CCDC68: variants seen among roughly 807,000 people sequenced by gnomAD.
CCDC68 encodes coiled-coil domain-containing protein 68.
A neutral mutation model predicts 47.1 loss-of-function variants in CCDC68; 45 were observed. The ratio of observed to expected loss-of-function variants is 0.96; its 90% CI spans 0.75 to 1.23. The LOEUF (loss-of-function observed/expected upper bound fraction) is 1.23. Among genes scored for constraint, CCDC68 ranks in the 50% most tolerant of loss-of-function variants. CCDC68 has a pLI of 0.00. For synonymous variants in CCDC68, 131 were observed against 129.5 expected, an observed-to-expected ratio of 1.01 and a Z score of -0.08; for missense variants, 353 against 373.6, an observed-to-expected ratio of 0.94 and a Z score of 0.45.
At chr18:54,910,099 C>T (rs982315614) in intron 10 of CCDC68, among the ~76,000 whole-genome samples, 1 of 152,210 alleles carries the variant, frequency 6.6e-6, no homozygotes, top group African/African-American at 2.4e-5. Context: ...TCAGAGGAAA[C>T]CTGCAGGGGG....
intron 7 of CCDC68, among the ~76,000 whole-genome samples, chr18:54,934,482 C>G (rs4365372): frequency 6.6e-6 from 1 of 152,156 alleles, no homozygotes; most frequent in East Asian, 1.9e-4. Context: ...ATTATTACTC[C>G]TAATAGATGG....
intron 6 of CCDC68, among the ~76,000 whole-genome samples, chr18:54,935,461 C>T (rs1385281830): frequency 2.0e-5 from 3 of 152,112 alleles, no homozygotes; most frequent in South Asian, 2.1e-4. Flanking sequence ...GGGACTGTGT[C>T]GACTAACTTG....
chr18:54,942,689 C>T lies in CCDC68; in HGVS notation c.103G>A (p.Glu35Lys), dbSNP rs149385830. ...STSAHIIEET[E>K]YVKKIRTTLQ... Reference sequence around the variant, plus strand: ...TACCCACATACCTTTTTCACATACTCGGTTTCTTCAATAATGTGAGCGGAC... The same window carrying T: ...TACCCACATACCTTTTTCACATACTTGGTTTCTTCAATAATGTGAGCGGAC... Residue 35 changes from glutamate (E) to lysine (K), a missense_variant, in exon 3 of 12, where the codon GAG becomes AAG. Physicochemically the swap from Glu to Lys is moderately conservative, Grantham distance 56. Coordinates refer to ENST00000591504, the MANE Select transcript of CCDC68 (RefSeq NM_025214.3). 3.2e-5 allele frequency: 50 copies of T among 1,586,006 alleles called. No individual in the cohort carries two copies. In the African/African-American group the frequency reaches 4.1e-4, roughly 13 times the overall value.
chr18:54,906,934 G>T (rs903245136), intron 11 of CCDC68, among the ~76,000 whole-genome samples: 1 of 152,190 alleles, frequency 6.6e-6, no homozygotes, highest in African/African-American at 2.4e-5. Flanking sequence ...AAAGAGAGAA[G>T]AATCTTCCTG....
intron 1 of CCDC68, among the ~76,000 whole-genome samples, chr18:54,947,348 C>T (rs1205324780): frequency 1.3e-5 from 2 of 152,228 alleles, no homozygotes; most frequent in African/African-American, 4.8e-5. Context: ...GCTGAATAGA[C>T]AGGGCTCTGC....
rs140031450 is a variant in CCDC68, at chr18:54,942,841, GT to G, written c.-12-39del. The G allele has an allele frequency of 4.9e-3, 5,350 of 1,093,548 alleles. 177 individuals carry two copies. In the African/African-American group the frequency reaches 0.069, roughly 14 times the overall value. 67.7% of individuals were successfully genotyped at this position (1,093,548 alleles called of 1,614,324 possible). Reference sequence around the variant, plus strand: ...ATAAATCAGCTAAGCAAAACAGACTGTTTTGATTGTATGATTATATGGTTCA... The same window carrying G: ...ATAAATCAGCTAAGCAAAACAGACTGTTTGATTGTATGATTATATGGTTCA... On this transcript the variant is annotated intron_variant, in intron 2 of 11. Coordinates refer to ENST00000591504, the MANE Select transcript of CCDC68 (RefSeq NM_025214.3).
At position 54,904,223 on chromosome 18, in the gene CCDC68, T is replaced by G; in HGVS notation, c.*135A>C. 1 of 645,884 alleles carries G rather than the reference T, an allele frequency of 1.5e-6. No individual in the cohort carries two copies. The highest frequency in any genetic ancestry group is 2.7e-5 in the East Asian group (1 of 36,584). The allele number at this position is 645,884 out of a possible 1,614,324, so 40.0% of individuals were successfully genotyped here. ...TTGATTTTCTGAAATGTCATCTTCT[T>G]GCAAAGCCATTGGTATGTAATAAGT... On this transcript the variant is annotated 3_prime_UTR_variant, in exon 12 of 12. Coordinates refer to ENST00000591504, the MANE Select transcript of CCDC68 (RefSeq NM_025214.3).
chr18:54,937,502 G>A (rs1227230219), intron 5 of CCDC68: 2 of 152,874 alleles, frequency 1.3e-5, no homozygotes, highest in African/African-American at 4.8e-5. Flanking sequence ...AAAATCAAAA[G>A]CATTCAGCAA....
intron 4 of CCDC68, 61 bp from the exon 5 acceptor site, chr18:54,938,158 C>A: frequency 6.6e-7 from 1 of 1,510,296 alleles, no homozygotes; most frequent in South Asian, 1.3e-5. Flanking sequence ...ACTTTGACAA[C>A]AATAATGATC....
At chr18:54,920,940 A>G (rs556278662) in intron 8 of CCDC68, among the ~76,000 whole-genome samples, 1 of 152,260 alleles carries the variant, frequency 6.6e-6, no homozygotes, top group East Asian at 1.9e-4. Flanking sequence ...ACATAGAAAC[A>G]ACCTAGGTGC....
At chr18:54,916,231 T>C (rs1217669487) in intron 10 of CCDC68, among the ~76,000 whole-genome samples, 2 of 152,080 alleles carry the variant, frequency 1.3e-5, no homozygotes, top group Non-Finnish European at 2.9e-5. Context: ...ATCAGTCCCA[T>C]ACAGCCTGAA....
chr18:54,954,438 C>T (rs542239878), intron 1 of CCDC68: 4 of 152,264 alleles, frequency 2.6e-5, no homozygotes, highest in African/African-American at 9.6e-5. Flanking sequence ...AGCATCCTAC[C>T]AAAATCCAGG....
chr18:54,948,025 T>C (rs1265229888), intron 1 of CCDC68, among the ~76,000 whole-genome samples: 2 of 152,168 alleles, frequency 1.3e-5, no homozygotes, highest in Non-Finnish European at 2.9e-5. Context: ...TAACTAAACC[T>C]TGTGCTCTGG....
rs1469631489 is a variant in CCDC68, at chr18:54,917,984, T to G, written c.802A>C (p.Lys268Gln). Residue 268 changes from lysine to glutamine, a missense_variant, in exon 10 of 12, where the codon AAA becomes CAA. By Grantham distance (53) the Lys-to-Gln change is moderately conservative (BLOSUM62 1). Transcript: ENST00000591504. Reference sequence around the variant, plus strand: ...TTGTCTTGTTCTTTTAAATTATTTTTTAATCCTTCCATCTAAGAATTAGAA... The same window carrying G: ...TTGTCTTGTTCTTTTAAATTATTTTGTAATCCTTCCATCTAAGAATTAGAA... ...RSVIQEMEGL[K>Q]NNLKEQDKRI... The G allele has an allele frequency of 6.9e-7, 1 of 1,446,406 alleles. No individual in the cohort carries two copies. Among genetic ancestry groups the G allele is most frequent in the African/African-American group, 1.4e-5 (1 of 71,178 alleles). The allele number at this position is 1,446,406 out of a possible 1,614,324, so 89.6% of individuals were successfully genotyped here.
chr18:54,940,919 A>G (rs2044425755), intron 4 of CCDC68, 78 bp downstream of exon 4: 2 of 962,786 alleles, frequency 2.1e-6, no homozygotes, highest in African/African-American at 1.6e-5. Context: ...CGAATCTTCA[A>G]AGAAGTTAGT....
At chr18:54,951,664 C>A in intron 1 of CCDC68, among the ~76,000 whole-genome samples, 1 of 152,200 alleles carries the variant, frequency 6.6e-6, no homozygotes, top group East Asian at 1.9e-4. Context: ...GCTTAAGAAT[C>A]AAAGTTTTCC....
intron 11 of CCDC68, among the ~76,000 whole-genome samples, chr18:54,907,208 T>C (rs1427991403): frequency 2.0e-5 from 3 of 152,196 alleles, no homozygotes; most frequent in South Asian, 4.1e-4. Context: ...ACAACAAAAA[T>C]TTAACTTAAA....
chr18:54,919,177 C>G (rs948569581), intron 9 of CCDC68, 94 bp downstream of exon 9: 1 of 907,396 alleles, frequency 1.1e-6, no homozygotes, highest in Non-Finnish European at 1.8e-6. Flanking sequence ...GGAGAGAAAT[C>G]TCATTGCTTC....
rs375892350 is a variant in CCDC68 at position 54,933,582 on chromosome 18, A to C, written c.600+1238T>G. Among the ~76,000 whole-genome samples the C allele has an allele frequency of 4.6e-5, 7 of 152,204 alleles. No homozygotes were observed. In the East Asian group the frequency reaches 1.2e-3, roughly 25 times the overall value. On this transcript the variant is annotated intron_variant, in intron 7 of 11. Coordinates refer to ENST00000591504, the MANE Select transcript of CCDC68 (RefSeq NM_025214.3). Reference sequence around the variant, plus strand: ...TCTTTGTGCTATCTTAGTTTTGTTAAGCTATTTATTATAGGATCAAGTATT... The same window carrying C: ...TCTTTGTGCTATCTTAGTTTTGTTACGCTATTTATTATAGGATCAAGTATT...
Sources: allele counts gnomAD v4.1 joint callset (sites outside exome capture counted in the v4.1 genomes callset), GRCh38; gene constraint gnomAD v4.1.1; transcripts MANE v1.5; gene names NCBI Gene and HGNC (gene_info 2026-07-23, HGNC 2026-07-21).